The following PLCH2 variants were observed in gnomAD, a reference collection of about 807,000 sequenced individuals.
PLCH2 encodes the protein 1-phosphatidylinositol 4,5-bisphosphate phosphodiesterase eta-2.
PLCH2 carries 98 observed loss-of-function variants against 134.7 expected under a neutral mutation model. The observed-to-expected ratio is 0.73, with a 90% CI of 0.62 to 0.86. The LOEUF is 0.86. Among genes scored for constraint, PLCH2 ranks in the 40% least tolerant of loss-of-function variants. The probability of loss-of-function intolerance (pLI) is 0.00; values close to 1 mark genes in which losing one functional copy is unlikely to be tolerated. For synonymous variants in PLCH2, 974 were observed against 827.5 expected, an observed-to-expected ratio of 1.18 and a Z score of -3.04; for missense variants, 1,994 against 1,986.6, an observed-to-expected ratio of 1.00 and a Z score of -0.07.
intron 1 of PLCH2, among the ~76,000 whole-genome samples, chr1:2,469,516 C>T (rs1460640083): frequency 1.3e-5 from 2 of 152,342 alleles, no homozygotes; most frequent in East Asian, 3.9e-4. Context: ...CAGTTCCTGG[C>T]ACCTTCTCCT....
At chr1:2,429,460 A>G (rs192150998) in intron 1 of PLCH2, among the ~76,000 whole-genome samples, 63 of 152,230 alleles carry the variant, frequency 4.1e-4, no homozygotes, top group Non-Finnish European at 7.9e-4. Flanking sequence ...AGCTGGCCTG[A>G]GAGTGAGGAG....
At chr1:2,491,871 T>C (rs1376141972) in intron 11 of PLCH2, among the ~76,000 whole-genome samples, 197 of 101,386 alleles carry the variant, frequency 1.9e-3, no homozygotes, top group Middle Eastern at 8.2e-3. Flanking sequence ...GGTGGGCGCC[T>C]GTGCTGGGGA....
At position 2,498,904 on chromosome 1, in the gene PLCH2, C is replaced by G; in HGVS notation, c.2434+76C>G. 1 of 1,367,954 alleles carries G rather than the reference C, an allele frequency of 7.3e-7. No homozygotes were observed. The highest frequency in any genetic ancestry group is 1.0e-6 in the Non-Finnish European group (1 of 980,140). The allele number at this position is 1,367,954 out of a possible 1,614,324, so 84.7% of individuals were successfully genotyped here. A position where few individuals can be genotyped will look rare whatever the true frequency, so the allele number is the denominator to read the frequency against. On this transcript the variant is annotated intron_variant, in intron 18 of 21. Coordinates refer to ENST00000378486, the MANE Select transcript of PLCH2 (RefSeq NM_014638.4). This position sits in a 1 kb window ranked among gnomAD's most constrained non-coding sequence, Gnocchi z 5.4. ...GAGGGTTGGGGCTACCTGGTGTGCCCGGGTGCCCTGCCCAGGCCTCCCTCA... is the reference window on the plus strand; with the variant it reads ...GAGGGTTGGGGCTACCTGGTGTGCCGGGGTGCCCTGCCCAGGCCTCCCTCA...
At chr1:2,502,885 G>A (rs1423819745) in intron 21 of PLCH2, 1 of 717,198 alleles carries the variant, frequency 1.4e-6, no homozygotes, top group South Asian at 1.5e-5. Flanking sequence ...AGGAGATCAG[G>A]AGTAAATCCC....
intron 4 of PLCH2, among the ~76,000 whole-genome samples, chr1:2,482,479 T>G (rs922961670): frequency 9.2e-5 from 14 of 152,202 alleles, no homozygotes; most frequent in African/African-American, 3.4e-4. Context: ...CAGGGCTTCA[T>G]CTGGTGTGTG....
At chr1:2,480,412 G>A in intron 4 of PLCH2, 100 bp downstream of exon 4, 1 of 1,335,990 alleles carries the variant, frequency 7.5e-7, no homozygotes, top group Non-Finnish European at 1.0e-6. Flanking sequence ...AGCTGGAGGG[G>A]ACCCTGGCAG....
intron 2 of PLCH2, among the ~76,000 whole-genome samples, chr1:2,458,351 AGGG>A (rs1267768905): frequency 6.6e-6 from 1 of 152,224 alleles, no homozygotes; most frequent in African/African-American, 2.4e-5. Flanking sequence ...ACCCTGGAGC[AGGG>A]CACTAGCAGG....
chr1:2,445,636 C>A (rs1318152342), intron 2 of PLCH2, among the ~76,000 whole-genome samples: 2 of 151,964 alleles, frequency 1.3e-5, no homozygotes, highest in Non-Finnish European at 1.5e-5. Context: ...AGGGACCCTG[C>A]CCAGAGGGGG....
chr1:2,425,610 C>T (rs1055589439), upstream of PLCH2, among the ~76,000 whole-genome samples: 1 of 152,036 alleles, frequency 6.6e-6, no homozygotes, highest in African/African-American at 2.4e-5. Flanking sequence ...GCCTTCTGTG[C>T]TCAAGTGATT....
chr1:2,467,928 C>A (rs1274479148), intron 1 of PLCH2, among the ~76,000 whole-genome samples: 1 of 152,228 alleles, frequency 6.6e-6, no homozygotes, highest in Non-Finnish European at 1.5e-5. Flanking sequence ...CTCATCTGCC[C>A]CTGTGCTGAC....
intron 2 of PLCH2, among the ~76,000 whole-genome samples, chr1:2,445,374 C>T (rs1051941736): frequency 3.3e-5 from 5 of 152,112 alleles, no homozygotes; most frequent in African/African-American, 1.2e-4. Context: ...GAAACCAGGG[C>T]AGTGAGAGAA....
chr1:2,468,585 G>A (rs1434377626), intron 1 of PLCH2, among the ~76,000 whole-genome samples: 2 of 152,220 alleles, frequency 1.3e-5, no homozygotes, highest in East Asian at 1.9e-4. Flanking sequence ...AGGAAAACGT[G>A]AAGGGGGACA....
In PLCH2 at chr1:2,439,868, C is replaced by CT. The variant is rs1415046845; in HGVS notation, c.115+9240dup. 6.6e-6 allele frequency among the ~76,000 whole-genome samples: 1 copy of CT among 152,132 alleles called. No homozygotes were observed. The highest frequency in any genetic ancestry group is 2.4e-5 in the African/African-American group (1 of 41,438). ...TCGAGGGCAGCGGGCACGCGGCTCC[C>CT]TGCCTGCAGGGACCTCATGATCTTA... On this transcript the variant is annotated intron_variant, in intron 2 of 3. Coordinates refer to the PLCH2 transcript ENST00000609981. This position sits in a 1 kb window ranked among gnomAD's most constrained non-coding sequence, Gnocchi z 4.7.
intron 2 of PLCH2, among the ~76,000 whole-genome samples, chr1:2,442,087 C>T (rs1252798624): frequency 1.3e-5 from 2 of 152,178 alleles, no homozygotes; most frequent in Admixed American, 6.5e-5. Flanking sequence ...GGCGGCAGGA[C>T]GTAGCCTCTC....
chr1:2,431,684 C>G (rs552235111), intron 2 of PLCH2, among the ~76,000 whole-genome samples: 1 of 152,272 alleles, frequency 6.6e-6, no homozygotes, highest in South Asian at 2.1e-4. Context: ...GGCAACGGTT[C>G]CCAGGATAGA....
intron 1 of PLCH2, among the ~76,000 whole-genome samples, chr1:2,468,174 A>G (rs1345109949): frequency 6.6e-6 from 1 of 152,150 alleles, no homozygotes; most frequent in Non-Finnish European, 1.5e-5. Flanking sequence ...CGAGGTTGGC[A>G]AAGGTGGCCC....
intron 2 of PLCH2, among the ~76,000 whole-genome samples, chr1:2,441,757 C>G (rs959013007): frequency 3.9e-5 from 6 of 152,138 alleles, no homozygotes; most frequent in Non-Finnish European, 5.9e-5. Context: ...AGGAACTAGC[C>G]TTTCCTTGGA....
chr1:2,437,788 CACAT>C (rs1157874122), intron 2 of PLCH2, among the ~76,000 whole-genome samples: 2 of 152,232 alleles, frequency 1.3e-5, no homozygotes, highest in Admixed American at 1.3e-4. Flanking sequence ...CACCCCCACA[CACAT>C]AGGGAAACAC....
At chr1:2,451,396 G>A (rs1431142158) in intron 2 of PLCH2, among the ~76,000 whole-genome samples, 1 of 152,206 alleles carries the variant, frequency 6.6e-6, no homozygotes, top group East Asian at 1.9e-4. Flanking sequence ...TGTGGCTGAT[G>A]GAGGTGCGTT....
Sources: gnomAD v4.1 joint callset for allele counts (sites outside exome capture counted in the v4.1 genomes callset) on GRCh38, gnomAD v4.1.1 for gene constraint, Gnocchi (gnomAD v3.1) non-coding constraint, MANE v1.5 for transcripts, NCBI Gene and HGNC (gene_info 2026-07-23, HGNC 2026-07-21) for gene names.